Variants in TYW1B observed in about 807,000 individuals in gnomAD.
TYW1B encodes S-adenosyl-L-methionine-dependent tRNA 4-demethylwyosine synthase TYW1B.
Under a neutral mutation model 86.9 loss-of-function variants are expected in TYW1B, and 73 were observed. The observed-to-expected ratio is 0.84, with a 90% CI of 0.70 to 1.02. The LOEUF is 1.02. TYW1B is among the 50% of genes least tolerant of loss of function. TYW1B has a pLI of 0.00. For missense variants in TYW1B, 637 were observed against 827.4 expected (o/e 0.77, Z 2.82); for synonymous variants, 248 against 292.8 (o/e 0.85, Z 1.56).
At chr7:72,599,987 T>C (rs530613056) in intron 13 of TYW1B, among the ~76,000 whole-genome samples, 104 of 152,250 alleles carry the variant, frequency 6.8e-4, no homozygotes, top group Non-Finnish European at 1.3e-3. Context: ...CCAATCAAAA[T>C]CCTAGAGAGT....
chr7:72,722,807 T>C (rs1786928265), intron 9 of TYW1B: 3 of 456,410 alleles, frequency 6.6e-6, no homozygotes, highest in African/African-American at 2.1e-5. Flanking sequence ...GCAGGCGTTC[T>C]TTGTCATGGG....
chr7:72,803,352 C>G (rs1454182347), intron 5 of TYW1B, among the ~76,000 whole-genome samples: 1 of 152,000 alleles, frequency 6.6e-6, no homozygotes, highest in Non-Finnish European at 1.5e-5. Flanking sequence ...CTCAGGGGAA[C>G]GAGACACATG....
Position 72,694,807 on chromosome 7 carries a change from A to T in TYW1B, c.1386T>A (p.Val462=), listed in dbSNP as rs781839368. The change falls in exon 11 of 14, where the codon GTT becomes GTA. Residue 462 remains valine, a synonymous_variant. Transcript: ENST00000620995. ...FPAEIRNLEP[V]TQLYVSVDAS... is the part of the protein sequence containing the mutation. ...CATCCACACTGACATACAGCTGAGT[A>T]ACTGGCTCGAGGTTCCTTAGTAATT... is the stretch of plus-strand genomic sequence containing the variant. 3 of 1,595,596 alleles carry T rather than the reference A, an allele frequency of 1.9e-6. No homozygotes were observed. The highest frequency in any genetic ancestry group is 1.7e-4 in the Middle Eastern group (1 of 5,972).
At chr7:72,807,010 C>G (rs1248069948) in intron 5 of TYW1B, 56 bp downstream of exon 5, 33 of 1,571,514 alleles carry the variant, frequency 2.1e-5, no homozygotes, top group African/African-American at 2.7e-5. Flanking sequence ...AGCTCAAGCT[C>G]GAGATCTCCA....
chr7:72,760,987 T>C (rs1787677296), intron 7 of TYW1B, among the ~76,000 whole-genome samples: 1 of 152,328 alleles, frequency 6.6e-6, no homozygotes, highest in Non-Finnish European at 1.5e-5. Context: ...AAATGATTAA[T>C]AGAGAAATAA....
chr7:72,722,815 G>A (rs1201702851), intron 9 of TYW1B: 2 of 472,676 alleles, frequency 4.2e-6, no homozygotes, highest in Non-Finnish European at 7.5e-6. Flanking sequence ...TCTTTGTCAT[G>A]GGGTGGGAAC....
chr7:72,758,510 T>C (rs1022091992), intron 7 of TYW1B, among the ~76,000 whole-genome samples: 2 of 152,068 alleles, frequency 1.3e-5, no homozygotes, highest in African/African-American at 2.4e-5. Flanking sequence ...TTCACATAAT[T>C]GGTGTCAGAA....
intron 4 of TYW1B, among the ~76,000 whole-genome samples, chr7:72,809,007 A>C (rs1330818101): frequency 6.6e-6 from 1 of 151,154 alleles, no homozygotes; most frequent in Non-Finnish European, 1.5e-5. Context: ...GAGCCAAGTT[A>C]ATTTTTTCCT....
intron 10 of TYW1B, among the ~76,000 whole-genome samples, chr7:72,710,795 T>C (rs1196886249): frequency 1.3e-5 from 2 of 152,192 alleles, no homozygotes; most frequent in Non-Finnish European, 2.9e-5. Flanking sequence ...GAGACAAAGC[T>C]AGACTTTGTC....
At chr7:72,720,753 A>T (rs757225904) in intron 9 of TYW1B, among the ~76,000 whole-genome samples, 41 of 151,924 alleles carry the variant, frequency 2.7e-4, no homozygotes, top group Non-Finnish European at 5.7e-4. Context: ...AAATTTCTTT[A>T]TTATTATTAT....
intron 13 of TYW1B, among the ~76,000 whole-genome samples, chr7:72,584,378 C>A (rs1197237948): frequency 2.6e-5 from 4 of 152,056 alleles, no homozygotes; most frequent in African/African-American, 9.7e-5. Flanking sequence ...GTTTGTTTTA[C>A]CCCTTATTTG....
Position 72,801,214 on chromosome 7 carries a change from G to A in TYW1B, c.846+1186C>T, listed in dbSNP as rs185703463. Among the ~76,000 whole-genome samples, 42 of 152,066 alleles carry A rather than the reference G, an allele frequency of 2.8e-4. No individual in the cohort carries two copies. The East Asian group carries it at 5.4e-3, about 20-fold the overall frequency. On this transcript the variant is annotated intron_variant, in intron 6 of 13. Coordinates refer to ENST00000620995, the MANE Select transcript of TYW1B (RefSeq NM_001145440.3). Reference sequence around the variant, plus strand: ...CGTGGTGGTGTGCACCTGTAGTCCCGGCTACTCGGGAGGCTGAGGCAGGAG... The same window carrying A: ...CGTGGTGGTGTGCACCTGTAGTCCCAGCTACTCGGGAGGCTGAGGCAGGAG...
intron 12 of TYW1B, among the ~76,000 whole-genome samples, chr7:72,621,675 G>A (rs1297452839): frequency 1.3e-5 from 2 of 152,192 alleles, no homozygotes; most frequent in Non-Finnish European, 2.9e-5. Flanking sequence ...TGAGGGCAGG[G>A]GCTGTGCCTT....
intron 13 of TYW1B, among the ~76,000 whole-genome samples, chr7:72,576,674 G>C (rs1156565517): frequency 2.6e-5 from 4 of 151,972 alleles, no homozygotes; most frequent in African/African-American, 9.7e-5. Context: ...TAGCACACCT[G>C]GCTAATTTTT....
chr7:72,652,212 T>C (rs1279976161), intron 11 of TYW1B, among the ~76,000 whole-genome samples: 1 of 151,220 alleles, frequency 6.6e-6, no homozygotes, highest in Non-Finnish European at 1.5e-5. Context: ...CCGCCTCTAC[T>C]AAAAAAATAA....
chr7:72,792,946 C>G (rs1427391288), intron 6 of TYW1B, among the ~76,000 whole-genome samples: 8 of 152,138 alleles, frequency 5.3e-5, no homozygotes, highest in South Asian at 2.1e-4. Context: ...AGAATATTGT[C>G]AAACTGAAAA....
At chr7:72,696,049 G>A (rs1321073478) in intron 10 of TYW1B, among the ~76,000 whole-genome samples, 5 of 149,896 alleles carry the variant, frequency 3.3e-5, no homozygotes, top group African/African-American at 1.2e-4. Context: ...CCAGGCTCAA[G>A]TGACTCTCCT....
chr7:72,755,139 G>A (rs1420130727), intron 7 of TYW1B, among the ~76,000 whole-genome samples: 12 of 152,124 alleles, frequency 7.9e-5, no homozygotes, highest in African/African-American at 2.4e-4. Context: ...GTCATCTGGC[G>A]GGGCACAGTG....
At chr7:72,699,920 G>C (rs1814421566) in intron 10 of TYW1B, among the ~76,000 whole-genome samples, 1 of 152,090 alleles carries the variant, frequency 6.6e-6, no homozygotes, top group Non-Finnish European at 1.5e-5. Flanking sequence ...AAAGTACTGG[G>C]ATTACAGGCG....
Sources: gnomAD v4.1 joint callset for allele counts (sites outside exome capture counted in the v4.1 genomes callset) on GRCh38, gnomAD v4.1.1 for gene constraint, MANE v1.5 for transcripts, NCBI Gene and HGNC (gene_info 2026-07-23, HGNC 2026-07-21) for gene names.